Variants in BCKDHA observed in about 807,000 individuals in gnomAD.
BCKDHA encodes the protein branched chain keto acid dehydrogenase E1 subunit alpha, also known as 2-oxoisovalerate dehydrogenase subunit alpha, mitochondrial.
BCKDHA carries 43 observed loss-of-function variants against 52.2 expected under a neutral mutation model. That is an observed-to-expected ratio of 0.82 (90% CI 0.64 to 1.06). The LOEUF (loss-of-function observed/expected upper bound fraction) is 1.06. Ranked by LOEUF, BCKDHA falls within the 50% of genes least tolerant of loss-of-function variation. The pLI, the probability that BCKDHA is intolerant of heterozygous loss-of-function variation, is 0.00. For synonymous variants in BCKDHA, 234 were observed against 247.9 expected (o/e 0.94, Z 0.53); for missense variants, 527 against 621.3 (o/e 0.85, Z 1.61).
intron 1 of BCKDHA, chr19:41,399,936 C>T (rs903528221): frequency 6.6e-6 from 1 of 152,190 alleles, no homozygotes; most frequent in East Asian, 1.9e-4. Context: ...CAGGCATGCA[C>T]TATCACGCCT....
intron 4 of BCKDHA, among the ~76,000 whole-genome samples, chr19:41,416,476 C>T (rs1383093722): frequency 6.6e-6 from 1 of 152,192 alleles, no homozygotes; most frequent in East Asian, 1.9e-4. Context: ...AGGCCACATT[C>T]TCCTAAGGAG....
At chr19:41,415,142 C>G (rs1042147463) in intron 4 of BCKDHA, among the ~76,000 whole-genome samples, 7 of 152,224 alleles carry the variant, frequency 4.6e-5, no homozygotes, top group African/African-American at 1.7e-4. Context: ...CCTGGACTGT[C>G]TACTGCTCAC....
chr19:41,419,600 C>T (rs528863160), intron 5 of BCKDHA, among the ~76,000 whole-genome samples: 52 of 152,240 alleles, frequency 3.4e-4, no homozygotes, highest in South Asian at 2.7e-3. Flanking sequence ...CACCACCACG[C>T]CCAGCTAATT....
At chr19:41,407,730 C>CA (rs2123248848) in intron 1 of BCKDHA, among the ~76,000 whole-genome samples, 1 of 152,324 alleles carries the variant, frequency 6.6e-6, no homozygotes, top group South Asian at 2.1e-4. Flanking sequence ...CGGAGGGACA[C>CA]ATTTGAGCAC....
Position 41,424,553 on chromosome 19 carries a change from C to T in BCKDHA, c.1283C>T (p.Ala428Val), listed in dbSNP as rs1342026228. 6.2e-7 allele frequency: 1 copy of T among 1,614,072 alleles called. No individual in the cohort carries two copies. The highest frequency in any genetic ancestry group is 1.3e-5 in the African/African-American group (1 of 75,048). ...CTCCGCAAGCAGCAGGAGTCTCTGG[C>T]CCGCCACCTGCAGACCTACGGGGAG... is the stretch of plus-strand genomic sequence containing the variant. ...AQLRKQQESL[A>V]RHLQTYGEHY... The change falls in exon 9 of 9, where the codon GCC becomes GTC. Residue 428 changes from alanine (A) to valine (V), a missense_variant. Coordinates refer to ENST00000269980, the MANE Select transcript of BCKDHA (RefSeq NM_000709.4).
chr19:41,418,534 A>T (rs1225153229), intron 4 of BCKDHA, among the ~76,000 whole-genome samples: 2 of 145,432 alleles, frequency 1.4e-5, no homozygotes, highest in East Asian at 2.0e-4. Flanking sequence ...CATAATGATG[A>T]TTTTTTTTTT....
At chr19:41,413,608 C>A (rs752840947) in intron 3 of BCKDHA, among the ~76,000 whole-genome samples, 21 of 152,226 alleles carry the variant, frequency 1.4e-4, no homozygotes, top group Non-Finnish European at 2.2e-4. Flanking sequence ...AGAAGACTGT[C>A]GGCAGGTTAC....
chr19:41,409,445 C>A (rs912225345), intron 1 of BCKDHA, among the ~76,000 whole-genome samples: 3 of 152,152 alleles, frequency 2.0e-5, no homozygotes, highest in Non-Finnish European at 4.4e-5. Context: ...TCCCCAGAAC[C>A]CAGCACAGGG....
At chr19:41,402,716 A>G (rs181087341) in intron 1 of BCKDHA, among the ~76,000 whole-genome samples, 3 of 152,162 alleles carry the variant, frequency 2.0e-5, no homozygotes, top group Admixed American at 1.3e-4. Flanking sequence ...ATTTCTGCTC[A>G]CTGCAACCTC....
At chr19:41,405,778 C>T (rs139711812) in intron 1 of BCKDHA, among the ~76,000 whole-genome samples, 2 of 152,260 alleles carry the variant, frequency 1.3e-5, no homozygotes, top group Admixed American at 6.5e-5. Flanking sequence ...AGAGTCCATG[C>T]GCTTAGCCAT....
At chr19:41,414,243 T>C in intron 4 of BCKDHA, 86 bp downstream of exon 4, 1 of 1,316,512 alleles carries the variant, frequency 7.6e-7, no homozygotes, top group Non-Finnish European at 1.1e-6. Context: ...AGCAGCATAG[T>C]GCCAGGAAGG....
rs140322984 is a variant in BCKDHA at position 41,397,890 on chromosome 19, C to T, written c.63C>T (p.Ala21=). The change falls in exon 1 of 9, where the codon GCC becomes GCT. Residue 21 remains alanine, a synonymous_variant. Transcript: ENST00000269980. ...WRLNRGLSQA[A]LLLLRQPGAR... ...TAAACCGTGGTTTGAGCCAGGCTGC[C>T]CTCCTGCTGCTGCGGCAGCCTGGGG... 1.1e-4 allele frequency: 178 copies of T among 1,614,102 alleles called. No individual in the cohort carries two copies. In the African/African-American group the frequency reaches 1.6e-3, roughly 14 times the overall value.
intron 3 of BCKDHA, among the ~76,000 whole-genome samples, chr19:41,411,528 A>G (rs2039253688): frequency 6.6e-6 from 1 of 152,154 alleles, no homozygotes; most frequent in Admixed American, 6.5e-5. Flanking sequence ...CCAGGCAGGA[A>G]GTAGAGGGAA....
At chr19:41,402,969 T>G (rs1243753455) in intron 1 of BCKDHA, among the ~76,000 whole-genome samples, 1 of 152,120 alleles carries the variant, frequency 6.6e-6, no homozygotes, top group African/African-American at 2.4e-5. Context: ...GTCTTTCGCC[T>G]CTTTCCACTT....
chr19:41,404,863 A>C (rs928120048), intron 1 of BCKDHA, among the ~76,000 whole-genome samples: 2 of 152,146 alleles, frequency 1.3e-5, no homozygotes, highest in African/African-American at 4.8e-5. Context: ...CAGCCTCCCA[A>C]ATCTGCTGGG....
chr19:41,423,212 G>A (rs753048075), intron 8 of BCKDHA, 43 bp downstream of exon 8: 126 of 1,547,098 alleles, frequency 8.1e-5, no homozygotes, highest in Admixed American at 3.0e-4. Flanking sequence ...GGGCTGCTGC[G>A]GCCTGCAGAG....
intron 4 of BCKDHA, among the ~76,000 whole-genome samples, chr19:41,414,806 T>C (rs900774428): frequency 1.3e-5 from 2 of 152,132 alleles, no homozygotes; most frequent in Non-Finnish European, 2.9e-5. Context: ...TGTGGGGCCC[T>C]GCATGGGGAC....
At chr19:41,410,517 C>T (rs954261463) in intron 1 of BCKDHA, 120 bp from the exon 2 acceptor site, 2 of 1,150,956 alleles carry the variant, frequency 1.7e-6, no homozygotes, top group Non-Finnish European at 2.5e-6. Flanking sequence ...GAGTCAGGCC[C>T]CAGAGTTCAC....
At chr19:41,405,615 AG>A (rs1464150386) in intron 1 of BCKDHA, among the ~76,000 whole-genome samples, 1 of 152,090 alleles carries the variant, frequency 6.6e-6, no homozygotes, top group African/African-American at 2.4e-5. Context: ...TGTAGAGACG[AG>A]GTCTCACTAT....
Sources: allele counts gnomAD v4.1 joint callset (sites outside exome capture counted in the v4.1 genomes callset), GRCh38; gene constraint gnomAD v4.1.1; transcripts MANE v1.5; gene names NCBI Gene and HGNC (gene_info 2026-07-23, HGNC 2026-07-21).